Variants in NCAM1 observed in about 807,000 individuals in gnomAD.
NCAM1 encodes the protein neural cell adhesion molecule 1.
A neutral mutation model predicts 109.8 loss-of-function variants in NCAM1; 14 were observed. The ratio of observed to expected loss-of-function variants is 0.13; its 90% confidence interval spans 0.08 to 0.20. The LOEUF (loss-of-function observed/expected upper bound fraction) is 0.20. Among genes scored for constraint, NCAM1 ranks in the 10% least tolerant of loss-of-function variants. The pLI is 1.00. For synonymous variants in NCAM1, 418 were observed against 442.9 expected (o/e 0.94, Z 0.70); for missense variants, 774 against 1,109.9 (o/e 0.70, Z 4.30).
Position 113,234,257 on chromosome 11 carries a change from C to CT in NCAM1, c.1694-762dup, listed in dbSNP as rs5794856. On this transcript the variant is annotated intron_variant, in intron 13 of 19. Coordinates refer to ENST00000316851, the MANE Select transcript of NCAM1 (RefSeq NM_181351.5). ...CTCATGTCACTATCTGTCCACCCGACTTTTTTTTTTTTTTAAAGATCAATT... is the reference window on the plus strand; with the variant it reads ...CTCATGTCACTATCTGTCCACCCGACTTTTTTTTTTTTTTTAAAGATCAATT... 5.0e-4 allele frequency among the ~76,000 whole-genome samples: 70 copies of CT among 141,076 alleles called. 1 individual carries two copies. The highest frequency in any genetic ancestry group is 1.0e-3 in the East Asian group (5 of 4,904). 92.6% of individuals were successfully genotyped at this position (141,076 alleles called of 152,430 possible).
intron 1 of NCAM1, among the ~76,000 whole-genome samples, chr11:113,157,134 G>GACAC (rs1435941451): frequency 1.6e-5 from 2 of 126,648 alleles, no homozygotes; most frequent in Non-Finnish European, 3.1e-5. Flanking sequence ...GTGTTTCCCT[G>GACAC]AGACACACAC....
chr11:113,194,388 T>C (rs1041494959), intron 1 of NCAM1, among the ~76,000 whole-genome samples: 2 of 152,140 alleles, frequency 1.3e-5, no homozygotes, highest in African/African-American at 4.8e-5. Flanking sequence ...GTCATAGGAT[T>C]TGGGGGCAGG....
At chr11:113,033,377 G>A (rs898935756) in intron 1 of NCAM1, among the ~76,000 whole-genome samples, 1 of 152,162 alleles carries the variant, frequency 6.6e-6, no homozygotes, top group Middle Eastern at 3.2e-3. Flanking sequence ...GCAGATGGGG[G>A]TGGAGTTGGG....
At chr11:113,138,961 G>A (rs578206578) in intron 1 of NCAM1, among the ~76,000 whole-genome samples, 2 of 152,308 alleles carry the variant, frequency 1.3e-5, no homozygotes, top group East Asian at 1.9e-4. Context: ...AGCATAGGTC[G>A]ATGAGGTTGA....
At chr11:113,195,416 A>G (rs1266261752) in intron 1 of NCAM1, among the ~76,000 whole-genome samples, 1 of 151,434 alleles carries the variant, frequency 6.6e-6, no homozygotes, top group African/African-American at 2.4e-5. Flanking sequence ...TGGGCTCTCA[A>G]TGGATGTATC....
At chr11:113,240,978 A>G (rs1555119035) in intron 14 of NCAM1, 10 of 832,898 alleles carry the variant, frequency 1.2e-5, no homozygotes, top group Non-Finnish European at 1.6e-5. Flanking sequence ...AGCAGTTGAG[A>G]AGAGAAACAG....
chr11:113,228,213 C>T (rs1555116595), intron 9 of NCAM1, among the ~76,000 whole-genome samples: 1 of 152,198 alleles, frequency 6.6e-6, no homozygotes, highest in Non-Finnish European at 1.5e-5. Context: ...TCTCCTTAAG[C>T]TGATAAGCAA....
chr11:113,018,044 C>T (rs895672378), intron 1 of NCAM1, among the ~76,000 whole-genome samples: 7 of 152,082 alleles, frequency 4.6e-5, no homozygotes, highest in South Asian at 2.1e-4. Flanking sequence ...TTCCACTGGG[C>T]GAGGCATAGA....
At chr11:113,174,476 T>C (rs781887934) in intron 1 of NCAM1, among the ~76,000 whole-genome samples, 2 of 152,214 alleles carry the variant, frequency 1.3e-5, no homozygotes, top group Non-Finnish European at 2.9e-5. Context: ...AGTGATTTGC[T>C]CCAGTAAATA....
At chr11:113,089,003 A>T (rs1939218549) in intron 1 of NCAM1, among the ~76,000 whole-genome samples, 1 of 152,034 alleles carries the variant, frequency 6.6e-6, no homozygotes, top group Admixed American at 6.6e-5. Context: ...ATTTCATTAA[A>T]CTCTACATCT....
At chr11:113,012,889 T>C (rs1952106588) in intron 1 of NCAM1, among the ~76,000 whole-genome samples, 1 of 152,146 alleles carries the variant, frequency 6.6e-6, no homozygotes, top group East Asian at 1.9e-4. Flanking sequence ...TATATGAGAC[T>C]CTCCTAGTTT....
intron 1 of NCAM1, among the ~76,000 whole-genome samples, chr11:113,178,424 G>T (rs1030550078): frequency 6.6e-6 from 1 of 152,168 alleles, no homozygotes; most frequent in African/African-American, 2.4e-5. Flanking sequence ...TTGGAGTTCC[G>T]ATGTGTATTT....
chr11:112,999,521 T>TTC (rs2134958128), intron 1 of NCAM1, among the ~76,000 whole-genome samples: 1 of 152,142 alleles, frequency 6.6e-6, no homozygotes, highest in East Asian at 1.9e-4. Context: ...ATTTTCAAAT[T>TTC]ATGGGGCCTT....
chr11:113,052,333 C>G (rs1262186650), intron 1 of NCAM1, among the ~76,000 whole-genome samples: 1 of 152,012 alleles, frequency 6.6e-6, no homozygotes, highest in Non-Finnish European at 1.5e-5. Flanking sequence ...TTTGAAGAAC[C>G]CTTGAGCTGT....
chr11:113,041,545 T>G (rs1347412246), intron 1 of NCAM1, among the ~76,000 whole-genome samples: 1 of 152,204 alleles, frequency 6.6e-6, no homozygotes, highest in Non-Finnish European at 1.5e-5. Context: ...GGGATGACTA[T>G]CTTCAGATTT....
At chr11:113,263,672 C>G (rs953206498) in intron 17 of NCAM1, 2 of 985,450 alleles carry the variant, frequency 2.0e-6, no homozygotes, top group African/African-American at 3.5e-5. Flanking sequence ...GTCTCCCAAT[C>G]GGGGTGACTC....
chr11:113,129,490 A>T (rs12788026), intron 1 of NCAM1, among the ~76,000 whole-genome samples: 65,397 of 151,976 alleles, frequency 0.43, 15,083 homozygotes, highest in Middle Eastern at 0.6. Flanking sequence ...TGACTAAGAC[A>T]TATGAGCATC....
intron 16 of NCAM1, among the ~76,000 whole-genome samples, chr11:113,258,704 T>C (rs560768760): frequency 2.6e-5 from 4 of 152,392 alleles, no homozygotes; most frequent in Admixed American, 2.0e-4. Context: ...TCAATTATAC[T>C]GACTTGATCT....
rs1945058564 is a variant in NCAM1 at position 113,233,097 on chromosome 11, C to T, written c.1523-50C>T. 6.4e-7 allele frequency: 1 copy of T among 1,563,750 alleles called. No individual in the cohort carries two copies. The highest frequency in any genetic ancestry group is 1.4e-5 in the African/African-American group (1 of 73,786). ...TGCCTTGTGACTGAGAGTTAATGGT[C>T]TTGGGCCAAACTGGGCTCACCTGAG... is the stretch of plus-strand genomic sequence containing the variant. On this transcript the variant is annotated intron_variant, in intron 12 of 19. Coordinates refer to ENST00000316851, the MANE Select transcript of NCAM1 (RefSeq NM_181351.5). This position sits in a 1 kb window ranked among gnomAD's most constrained non-coding sequence, Gnocchi z 4.5.
Sources: allele counts gnomAD v4.1 joint callset (sites outside exome capture counted in the v4.1 genomes callset), GRCh38; gene constraint gnomAD v4.1.1; non-coding constraint Gnocchi (gnomAD v3.1); transcripts MANE v1.5; gene names NCBI Gene and HGNC (gene_info 2026-07-23, HGNC 2026-07-21).